MYOM1: variants seen among roughly 807,000 people sequenced by gnomAD.
MYOM1 encodes the protein myomesin-1.
MYOM1 carries 164 observed loss-of-function variants against 205.3 expected under a neutral mutation model. The ratio of observed to expected loss-of-function variants is 0.80; its 90% CI spans 0.70 to 0.91. The LOEUF is 0.91. MYOM1 is among the 40% of genes least tolerant of loss of function. The pLI is 0.00. For missense variants in MYOM1, 2,011 were observed against 2,127.3 expected (o/e 0.95, Z 1.08); for synonymous variants, 772 against 789.4 (o/e 0.98, Z 0.37).
chr18:3,202,546 C>G (rs936203676), intron 2 of MYOM1, among the ~76,000 whole-genome samples: 2 of 151,904 alleles, frequency 1.3e-5, no homozygotes, highest in African/African-American at 4.8e-5. Flanking sequence ...TACTTTACAT[C>G]AAGAAATATT....
At chr18:3,180,252 A>G (rs1361631943) in intron 5 of MYOM1, among the ~76,000 whole-genome samples, 2 of 152,214 alleles carry the variant, frequency 1.3e-5, no homozygotes, top group African/African-American at 4.8e-5. Flanking sequence ...CCCAGCTAAC[A>G]ACTTTTCTAT....
chr18:3,172,139 G>C (rs1467308172), intron 8 of MYOM1, among the ~76,000 whole-genome samples: 1 of 152,068 alleles, frequency 6.6e-6, no homozygotes, highest in African/African-American at 2.4e-5. Context: ...TTAACTATTA[G>C]AAAAAAAGAG....
intron 36 of MYOM1, among the ~76,000 whole-genome samples, chr18:3,074,352 C>T (rs2078996887): frequency 1.3e-5 from 2 of 152,152 alleles, no homozygotes; most frequent in Non-Finnish European, 2.9e-5. Context: ...TTCAAAGTTG[C>T]ACCCAGAGGC....
At chr18:3,240,153 T>G in the MYOM1 span, among the ~76,000 whole-genome samples, 1 of 152,234 alleles carries the variant, frequency 6.6e-6, no homozygotes. Context: ...TAAATGTAAT[T>G]TAATCACTAC....
chr18:3,084,087 T>A, intron 31 of MYOM1, 60 bp from the exon 32 acceptor site: 1 of 1,527,072 alleles, frequency 6.5e-7, no homozygotes, highest in Admixed American at 2.0e-5. Context: ...TAAGGTTAAA[T>A]CTCAAATTCT....
rs759198044 is a variant in MYOM1, at chr18:3,193,954, T to G, written c.295A>C (p.Thr99Pro). 1 of 1,613,392 alleles carries G rather than the reference T, an allele frequency of 6.2e-7. No homozygotes were observed. Among genetic ancestry groups the G allele is most frequent in the Admixed American group, 1.7e-5 (1 of 59,950 alleles). Residue 99 changes from threonine to proline, a missense_variant, in exon 3 of 38, where the codon ACA becomes CCA. Coordinates refer to ENST00000356443, the MANE Select transcript of MYOM1 (RefSeq NM_003803.4). ...AYDYGSSHGLTDSSLLLDDYS... is the reference protein window; with the variant it reads ...AYDYGSSHGLPDSSLLLDDYS... ...TCATCTAACAGCAGACTGGAATCTG[T>G]AAGTCTGAAATAAACCACCTAACAT...
In MYOM1 at chr18:3,215,185, A is replaced by G. The variant is rs977117802; in HGVS notation, c.39T>C (p.Tyr13=). 7 of 1,613,266 alleles carry G rather than the reference A, an allele frequency of 4.3e-6. No homozygotes were observed. Among genetic ancestry groups the G allele is most frequent in the South Asian group, 3.3e-5 (3 of 90,816 alleles). ...CGTCCTTGTTGCGGTAGCTGAGATC[A>G]TAGTGCTGGTGGCACCTCTGATAAA... ...LPFYQRCHQH[Y]DLSYRNKDVR... Residue 13 remains tyrosine, a synonymous_variant, in exon 2 of 38, where the codon TAT becomes TAC. Transcript: ENST00000356443.
At chr18:3,131,312 A>G (rs2079871814) in intron 17 of MYOM1, 63 bp downstream of exon 17, 2 of 1,575,212 alleles carry the variant, frequency 1.3e-6, no homozygotes, top group Non-Finnish European at 1.7e-6. Flanking sequence ...AGAGGATGGT[A>G]TCTTCCTTTC....
the MYOM1 span, among the ~76,000 whole-genome samples, chr18:3,235,275 C>T: frequency 6.3e-4 from 96 of 152,270 alleles, no homozygotes; most frequent in Middle Eastern, 0.01. Context: ...ACTGTCATTT[C>T]CTACCATTAC....
chr18:3,184,208 G>C (rs572542535), intron 5 of MYOM1, among the ~76,000 whole-genome samples: 9 of 152,036 alleles, frequency 5.9e-5, no homozygotes, highest in African/African-American at 2.2e-4. Flanking sequence ...GCCCAGCCCA[G>C]TTAATGACTT....
At chr18:3,098,269 T>TTTTATTTTTA (rs1226648536) in intron 25 of MYOM1, among the ~76,000 whole-genome samples, 11 of 152,202 alleles carry the variant, frequency 7.2e-5, no homozygotes, top group African/African-American at 2.6e-4. Flanking sequence ...ATTTATTTTA[T>TTTTATTTTTA]TTTATTTTTA....
chr18:3,216,260 CTG>C (rs2081265910), intron 1 of MYOM1, among the ~76,000 whole-genome samples: 1 of 152,158 alleles, frequency 6.6e-6, no homozygotes, highest in Non-Finnish European at 1.5e-5. Context: ...GAGAAAGACT[CTG>C]TCTCACAATG....
intron 14 of MYOM1, among the ~76,000 whole-genome samples, chr18:3,137,118 T>A (rs2079980867): frequency 6.6e-6 from 1 of 151,980 alleles, no homozygotes. Flanking sequence ...ACCTGGCTAA[T>A]TTTTTGTATT....
intron 14 of MYOM1, among the ~76,000 whole-genome samples, chr18:3,136,325 T>A (rs1184795063): frequency 6.6e-6 from 1 of 152,210 alleles, no homozygotes; most frequent in Non-Finnish European, 1.5e-5. Context: ...ATATTTCTCT[T>A]CCTTTGTTAA....
At chr18:3,110,668 A>G (rs1252501866) in intron 22 of MYOM1, among the ~76,000 whole-genome samples, 1 of 152,138 alleles carries the variant, frequency 6.6e-6, no homozygotes, top group Non-Finnish European at 1.5e-5. Flanking sequence ...GGAATTACCC[A>G]AATTGCTAAG....
At chr18:3,100,126 C>T in intron 25 of MYOM1, 33 bp downstream of exon 25, 1 of 1,612,444 alleles carries the variant, frequency 6.2e-7, no homozygotes, top group South Asian at 1.1e-5. Context: ...AGTAAGACTG[C>T]TAAAAACCTG....
chr18:3,096,292 T>C (rs1318561749), intron 25 of MYOM1, among the ~76,000 whole-genome samples: 1 of 152,176 alleles, frequency 6.6e-6, no homozygotes, highest in Non-Finnish European at 1.5e-5. Context: ...ATCGCCACAA[T>C]ACCAACCCTT....
At chr18:3,239,412 ATGTGTTAGAGG>A in the MYOM1 span, among the ~76,000 whole-genome samples, 1 of 152,254 alleles carries the variant, frequency 6.6e-6, no homozygotes, top group Non-Finnish European at 1.5e-5. Context: ...ATAGAATAGA[ATGTGTTAGAGG>A]TGTGAAGAGA....
chr18:3,210,891 T>C (rs1017727244), intron 2 of MYOM1, among the ~76,000 whole-genome samples: 1 of 152,234 alleles, frequency 6.6e-6, no homozygotes, highest in African/African-American at 2.4e-5. Context: ...TTTTCTCATT[T>C]ATAAAATGAA....
Sources: gnomAD v4.1 joint callset for allele counts (sites outside exome capture counted in the v4.1 genomes callset) on GRCh38, gnomAD v4.1.1 for gene constraint, MANE v1.5 for transcripts, NCBI Gene and HGNC (gene_info 2026-07-23, HGNC 2026-07-21) for gene names.